The following FABP3 variants were observed in gnomAD, a reference collection of about 807,000 sequenced individuals.
FABP3 encodes fatty acid binding protein 3.
FABP3 carries 8 observed loss-of-function variants against 13.4 expected under a neutral mutation model. The ratio of observed to expected loss-of-function variants is 0.60; its 90% CI spans 0.35 to 1.07. The LOEUF (loss-of-function observed/expected upper bound fraction) is 1.07. Among genes scored for constraint, FABP3 ranks in the 50% least tolerant of loss-of-function variants. FABP3 has a pLI of 0.02. For synonymous variants in FABP3, 64 were observed against 60.0 expected (o/e 1.07, Z -0.31); for missense variants, 135 against 164.7 (o/e 0.82, Z 0.99).
Position 31,373,074 on chromosome 1 carries a change from G to C in FABP3, c.-60C>G. 6.6e-7 allele frequency: 1 copy of C among 1,526,302 alleles called. No individual in the cohort carries two copies. Among genetic ancestry groups the C allele is most frequent in the Admixed American group, 1.7e-5 (1 of 59,514 alleles). 94.5% of individuals were successfully genotyped at this position (1,526,302 alleles called of 1,614,324 possible). A position where few individuals can be genotyped will look rare whatever the true frequency, so the allele number is the denominator to read the frequency against. On this transcript the variant is annotated 5_prime_UTR_variant, in exon 1 of 4. Transcript: ENST00000373713. The stretch of plus-strand genomic sequence containing the variant: ...AGAGCAGGCGTGCAAGGGCTCCGAC[G>C]GCGGCTCCCTGCCCGGGCTGCCGCT...
Position 31,365,718 on chromosome 1 carries a change from A to C in FABP3, c.*168T>G. The C allele has an allele frequency of 8.1e-6, 5 of 615,520 alleles. No individual in the cohort carries two copies. The highest frequency in any genetic ancestry group is 2.0e-5 in the South Asian group (1 of 49,560). The allele number at this position is 615,520 out of a possible 1,614,324, so 38.1% of individuals were successfully genotyped here. A position where few individuals can be genotyped will look rare whatever the true frequency, so the allele number is the denominator to read the frequency against. On this transcript the variant is annotated 3_prime_UTR_variant, in exon 4 of 4. Transcript: ENST00000373713. ...ATGAGTGCAGTTAAAAAAAAAAAAA[A>C]AAAACCACATACACCATGGGAACTG... is the stretch of plus-strand genomic sequence containing the variant.
chr1:31,369,169 C>T lies in FABP3; in HGVS notation c.246+216G>A, dbSNP rs1372856332. 7.2e-6 allele frequency: 4 copies of T among 551,808 alleles called. No individual in the cohort carries two copies. In the East Asian group the frequency reaches 1.1e-4, roughly 16 times the overall value. The allele number at this position is 551,808 out of a possible 1,614,324, so 34.2% of individuals were successfully genotyped here. On this transcript the variant is annotated intron_variant, in intron 2 of 3. Transcript: ENST00000373713. ...TTCCGAGGCAGACAATAGATGAATC[C>T]CAAGAAGGGAGGGAAGAAAACAAGA...
chr1:31,367,181 T>C (rs1159360036), intron 3 of FABP3, among the ~76,000 whole-genome samples: 2 of 152,278 alleles, frequency 1.3e-5, no homozygotes, highest in African/African-American at 4.8e-5. Flanking sequence ...CCCACAGTCA[T>C]GTAGCCTATA....
Position 31,365,764 on chromosome 1 carries a change from G to T in FABP3, c.*122C>A. On this transcript the variant is annotated 3_prime_UTR_variant, in exon 4 of 4. Coordinates refer to ENST00000373713, the MANE Select transcript of FABP3 (RefSeq NM_004102.5). ...AACTGGAACTGGATCCCGGTCAGTGGCACCTGACCCCAGAAGAATTCGTGG... is the reference window on the plus strand; with the variant it reads ...AACTGGAACTGGATCCCGGTCAGTGTCACCTGACCCCAGAAGAATTCGTGG... The T allele has an allele frequency of 1.1e-6, 1 of 891,954 alleles. No individual in the cohort carries two copies. Among genetic ancestry groups the T allele is most frequent in the Admixed American group, 2.0e-5 (1 of 50,306 alleles). 55.3% of individuals were successfully genotyped at this position (891,954 alleles called of 1,614,324 possible).
intron 1 of FABP3, among the ~76,000 whole-genome samples, chr1:31,371,717 A>G (rs1427885715): frequency 2.0e-5 from 3 of 152,168 alleles, no homozygotes; most frequent in Non-Finnish European, 4.4e-5. Context: ...CAACTTCCCA[A>G]TAGCTGCTGG....
chr1:31,367,891 G>C (rs544478509), intron 2 of FABP3, among the ~76,000 whole-genome samples: 2 of 152,204 alleles, frequency 1.3e-5, no homozygotes, highest in East Asian at 1.9e-4. Flanking sequence ...GACTGACTGA[G>C]GAGGAGGAGT....
chr1:31,360,388 C>T (rs1040879035), downstream of FABP3, among the ~76,000 whole-genome samples: 2 of 152,204 alleles, frequency 1.3e-5, no homozygotes, highest in East Asian at 1.9e-4. Context: ...AGGCTAGTCT[C>T]GACCTCCTGA....
At chr1:31,364,356 G>C (rs1364185847), downstream of FABP3, 2 of 1,301,970 alleles carry the variant, frequency 1.5e-6, no homozygotes, top group African/African-American at 3.0e-5. Context: ...TTGGGAGTTA[G>C]AGGTCAAAAG....
downstream of FABP3, among the ~76,000 whole-genome samples, chr1:31,362,470 T>C (rs1443046495): frequency 6.6e-6 from 1 of 152,230 alleles, no homozygotes; most frequent in Admixed American, 6.5e-5. Flanking sequence ...ACTGCCCCAT[T>C]AGACACCTGG....
At chr1:31,364,377 A>C, downstream of FABP3, 2 of 1,083,578 alleles carry the variant, frequency 1.8e-6, no homozygotes, top group Non-Finnish European at 2.6e-6. Flanking sequence ...CAGCTGCCTG[A>C]ATGAGTTGTT....
intron 3 of FABP3, 66 bp from the exon 4 acceptor site, chr1:31,366,005 CCCTT>C: frequency 1.4e-6 from 2 of 1,395,164 alleles, no homozygotes; most frequent in Non-Finnish European, 1.0e-6. Flanking sequence ...ATTCTACCCT[CCCTT>C]CCTCCTGATA....
chr1:31,367,438 T>C lies in FABP3; in HGVS notation c.303A>G (p.Gln101=), dbSNP rs1302722121. ...KLVHLQKWDG[Q]ETTLVRELID... is the part of the protein sequence containing the mutation. ...TTAGCTCCCGCACAAGTGTGGTCTC[T>C]TGCCCGTCCCATTTCTGCAGGTGAA... The change falls in exon 3 of 4, where the codon CAA becomes CAG. Residue 101 remains glutamine (Q), a synonymous_variant. Coordinates refer to ENST00000373713, the MANE Select transcript of FABP3 (RefSeq NM_004102.5). 6.2e-7 allele frequency: 1 copy of C among 1,614,240 alleles called. No homozygotes were observed. The highest frequency in any genetic ancestry group is 8.5e-7 in the Non-Finnish European group (1 of 1,180,034).
In FABP3 at chr1:31,372,999, G is replaced by A. The variant is rs1397102771; in HGVS notation, c.16C>T (p.Leu6=). 2.5e-6 allele frequency: 4 copies of A among 1,614,064 alleles called. 1 individual carries two copies. In the South Asian group the frequency reaches 4.4e-5, roughly 18 times the overall value. MVDAF[L]GTWKLVDSKN... is the part of the protein sequence containing the mutation. ...CTGTCCACTAGCTTCCAGGTGCCCA[G>A]GAAAGCGTCCACCATAGTGATGCTG... Residue 6 remains leucine (L), a synonymous_variant, in exon 1 of 4, where the codon CTG becomes TTG. Transcript: ENST00000373713.
chr1:31,360,256 G>A (rs1009385873), downstream of FABP3, among the ~76,000 whole-genome samples: 2 of 147,484 alleles, frequency 1.4e-5, no homozygotes, highest in African/African-American at 5.1e-5. Flanking sequence ...CAAAACCTCC[G>A]CCTCCCACGC....
At position 31,372,875 on chromosome 1, in the gene FABP3, T is replaced by C. The variant is rs1640232463; in HGVS notation, c.73+67A>G. 7 of 1,452,394 alleles carry C rather than the reference T, an allele frequency of 4.8e-6. No homozygotes were observed. The East Asian group carries it at 1.4e-4, about 28-fold the overall frequency. The allele number at this position is 1,452,394 out of a possible 1,614,324, so 90.0% of individuals were successfully genotyped here. ...ACCAGGAGGGATGCGGCAGGAGTGC[T>C]GCGTGGGGCTAGGCACGCCACCAGC... is the stretch of plus-strand genomic sequence containing the variant. On this transcript the variant is annotated intron_variant, in intron 1 of 3. Transcript: ENST00000373713.
downstream of FABP3, among the ~76,000 whole-genome samples, chr1:31,360,469 G>A (rs1006644794): frequency 2.0e-5 from 3 of 152,172 alleles, no homozygotes; most frequent in Non-Finnish European, 2.9e-5. Context: ...GCAACCAGGC[G>A]AACTACAACT....
chr1:31,364,254 C>T, downstream of FABP3: 1 of 1,548,226 alleles, frequency 6.5e-7, no homozygotes, highest in Non-Finnish European at 8.7e-7. Context: ...TGCCTTGAGA[C>T]TCCTGGAAAG....
intron 2 of FABP3, among the ~76,000 whole-genome samples, chr1:31,368,550 T>C (rs544324787): frequency 1.3e-5 from 2 of 152,300 alleles, no homozygotes; most frequent in African/African-American, 4.8e-5. Flanking sequence ...TCCTGTTCTT[T>C]CTGGGGACAG....
downstream of FABP3, among the ~76,000 whole-genome samples, chr1:31,362,174 C>CT (rs59924474): frequency 0.061 from 9,238 of 152,252 alleles, 538 homozygotes; most frequent in South Asian, 0.21. Context: ...GTTCAGATGA[C>CT]TTGCCCACGG....
Sources: gnomAD v4.1 joint callset for allele counts (sites outside exome capture counted in the v4.1 genomes callset) on GRCh38, gnomAD v4.1.1 for gene constraint, MANE v1.5 for transcripts, NCBI Gene and HGNC (gene_info 2026-07-23, HGNC 2026-07-21) for gene names.